The following PTPRT variants were observed in gnomAD, a reference collection of about 807,000 sequenced individuals.
The protein encoded by PTPRT is receptor-type tyrosine-protein phosphatase T.
Under a neutral mutation model 176.8 loss-of-function variants are expected in PTPRT, and 56 were observed. The observed-to-expected ratio is 0.32, with a 90% CI of 0.26 to 0.40. PTPRT has a LOEUF of 0.40. Ranked by LOEUF, PTPRT falls within the 10% of genes least tolerant of loss-of-function variation. The pLI is 1.00. For synonymous variants in PTPRT, 783 were observed against 739.0 expected, an observed-to-expected ratio of 1.06 and a Z score of -0.96; for missense variants, 1,540 against 1,908.2, an observed-to-expected ratio of 0.81 and a Z score of 3.60.
At chr20:42,194,650 A>T (rs1461679977) in intron 16 of PTPRT, among the ~76,000 whole-genome samples, 3 of 152,238 alleles carry the variant, frequency 2.0e-5, no homozygotes, top group African/African-American at 7.2e-5. Flanking sequence ...AGAGAAAAAT[A>T]ACAAGTACAC....
At chr20:42,556,335 C>T (rs996112153) in intron 7 of PTPRT, among the ~76,000 whole-genome samples, 1 of 152,122 alleles carries the variant, frequency 6.6e-6, no homozygotes, top group African/African-American at 2.4e-5. Context: ...TCACTAGAAC[C>T]CTGCAATTAG....
Position 42,317,528 on chromosome 20 carries a change from C to A in PTPRT, c.1866-1532G>T, listed in dbSNP as rs141677444. Among the ~76,000 whole-genome samples the A allele has an allele frequency of 3.9e-5, 6 of 152,130 alleles. No homozygotes were observed. In the East Asian group the frequency reaches 9.7e-4, roughly 25 times the overall value. On this transcript the variant is annotated intron_variant, in intron 11 of 30. Coordinates refer to ENST00000373187, the MANE Select transcript of PTPRT (RefSeq NM_007050.6). ...TTAATGAGGTGGTTGCAGTAGGGGA[C>A]CCCAAACCAATCATTTAAACAGGGC... is the stretch of plus-strand genomic sequence containing the variant.
At chr20:42,292,396 A>C (rs1426769796) in intron 12 of PTPRT, among the ~76,000 whole-genome samples, 3 of 151,854 alleles carry the variant, frequency 2.0e-5, no homozygotes, top group Admixed American at 2.0e-4. Flanking sequence ...GCAATGGCTC[A>C]ATCTTGGCTC....
chr20:42,721,936 A>G (rs2076309937), intron 6 of PTPRT, among the ~76,000 whole-genome samples: 1 of 152,002 alleles, frequency 6.6e-6, no homozygotes, highest in Admixed American at 6.6e-5. Flanking sequence ...TCCCCCAGGG[A>G]CTCATGAAAT....
intron 18 of PTPRT, among the ~76,000 whole-genome samples, chr20:42,134,993 C>T (rs1188821564): frequency 2.0e-5 from 3 of 152,226 alleles, no homozygotes; most frequent in African/African-American, 7.2e-5. Context: ...TCAAAGAACA[C>T]CTCCATCCAA....
intron 5 of PTPRT, among the ~76,000 whole-genome samples, chr20:42,770,013 T>G (rs951061573): frequency 7.9e-5 from 12 of 152,324 alleles, no homozygotes; most frequent in African/African-American, 2.2e-4. Context: ...TTGGACGCCA[T>G]GCAAATATTC....
Position 42,780,251 on chromosome 20 carries a change from C to G in PTPRT, c.535G>C (p.Val179Leu), listed in dbSNP as rs547641233. Residue 179 changes from valine (V) to leucine (L), a missense_variant, in exon 4 of 31, where the codon GTG becomes CTG. Around this residue, in one of 11 missense-constraint regions of PTPRT, gnomAD observed 273 missense variants for 432.1 expected, o/e 0.63. Coordinates refer to ENST00000373187, the MANE Select transcript of PTPRT (RefSeq NM_007050.6). ...TGAGCAAGGACCCGGACCTCGTCCA[C>G]GGCGATGTAGCCAGGATGACCCTTC... Reference protein sequence around the residue: ...SLKGHPGYIAVDEVRVLAHPC... With the variant: ...SLKGHPGYIALDEVRVLAHPC... 6.2e-7 allele frequency: 1 copy of G among 1,614,012 alleles called. No homozygotes were observed. The highest frequency in any genetic ancestry group is 1.1e-5 in the South Asian group (1 of 91,072).
intron 6 of PTPRT, among the ~76,000 whole-genome samples, chr20:42,739,260 C>A (rs2076574697): frequency 6.7e-6 from 1 of 148,586 alleles, no homozygotes; most frequent in South Asian, 2.2e-4. Flanking sequence ...TGGTGTGTAA[C>A]AAGGCATTAA....
At chr20:42,350,357 T>C (rs1383430332) in intron 11 of PTPRT, among the ~76,000 whole-genome samples, 1 of 151,550 alleles carries the variant, frequency 6.6e-6, no homozygotes, top group East Asian at 1.9e-4. Context: ...TCCTCTCGAG[T>C]AGCCGGTACT....
At chr20:42,654,081 G>A (rs1357959606) in intron 7 of PTPRT, among the ~76,000 whole-genome samples, 1 of 152,124 alleles carries the variant, frequency 6.6e-6, no homozygotes, top group East Asian at 1.9e-4. Context: ...CTCTTGCAGG[G>A]CTTCAAATGG....
At chr20:42,549,387 C>T (rs1277423976) in intron 7 of PTPRT, among the ~76,000 whole-genome samples, 2 of 151,954 alleles carry the variant, frequency 1.3e-5, no homozygotes, top group Non-Finnish European at 2.9e-5. Context: ...TAAATTTTTC[C>T]TGAACACAAA....
At chr20:43,017,269 G>T (rs1289993535) in intron 1 of PTPRT, among the ~76,000 whole-genome samples, 1 of 152,110 alleles carries the variant, frequency 6.6e-6, no homozygotes, top group Non-Finnish European at 1.5e-5. Context: ...TGATCTCGAT[G>T]ATTACATTCT....
intron 7 of PTPRT, among the ~76,000 whole-genome samples, chr20:42,635,245 G>C (rs531941335): frequency 8.4e-6 from 1 of 119,070 alleles, no homozygotes; most frequent in African/African-American, 8.7e-5. Context: ...GAAAACAAAT[G>C]AATGTGTCCC....
At chr20:42,177,897 C>CCTTTCTCTCTCT (rs1297703900) in intron 16 of PTPRT, among the ~76,000 whole-genome samples, 3 of 148,598 alleles carry the variant, frequency 2.0e-5, no homozygotes, top group African/African-American at 7.4e-5. Context: ...TTCTTTCTTT[C>CCTTTCTCTCTCT]CTTTCTCTCT....
rs776642212 is a variant in PTPRT at position 42,106,827 on chromosome 20, G to A, written c.3349C>T (p.Arg1117Cys). 5.6e-5 allele frequency: 91 copies of A among 1,614,002 alleles called. No homozygotes were observed. In the Middle Eastern group the frequency reaches 6.6e-4, roughly 12 times the overall value. Reference protein sequence around the residue: ...EGVVDIFNCVRELRAQRVNLV... With the variant: ...EGVVDIFNCVCELRAQRVNLV... ...TTGACCCTTTGGGCCCGGAGCTCAC[G>A]CACGCAGTTGAAGATGTCCACCACC... The change falls in exon 24 of 31, where the codon CGT becomes TGT. Residue 1117 changes from arginine to cysteine, a missense_variant. Arg to Cys is a radical substitution (Grantham distance 180, BLOSUM62 -3). Transcript: ENST00000373187.
At chr20:42,500,688 C>T (rs1306031741) in intron 7 of PTPRT, among the ~76,000 whole-genome samples, 1 of 152,088 alleles carries the variant, frequency 6.6e-6, no homozygotes, top group Non-Finnish European at 1.5e-5. Context: ...GCAATGTTTT[C>T]ATATTTATCA....
chr20:42,881,397 T>A (rs1372386445), intron 2 of PTPRT, among the ~76,000 whole-genome samples: 1 of 152,156 alleles, frequency 6.6e-6, no homozygotes, highest in African/African-American at 2.4e-5. Flanking sequence ...AAGGGAAGAT[T>A]GCCTTGAGGA....
intron 7 of PTPRT, among the ~76,000 whole-genome samples, chr20:42,643,632 A>G (rs2074816774): frequency 6.6e-6 from 1 of 151,986 alleles, no homozygotes; most frequent in Non-Finnish European, 1.5e-5. Context: ...CACTTTCAAG[A>G]TGAAAATATA....
chr20:42,849,672 G>C (rs903520915), intron 2 of PTPRT, among the ~76,000 whole-genome samples: 1 of 152,112 alleles, frequency 6.6e-6, no homozygotes, highest in Non-Finnish European at 1.5e-5. Flanking sequence ...AAGTCACTTA[G>C]ACTCCATGAA....
Sources: gnomAD v4.1 joint callset for allele counts (sites outside exome capture counted in the v4.1 genomes callset) on GRCh38, gnomAD v4.1.1 for gene constraint, gnomAD v4.1.1 regional missense constraint, MANE v1.5 for transcripts, NCBI Gene and HGNC (gene_info 2026-07-23, HGNC 2026-07-21) for gene names.